The following SCRG1 variants were observed in gnomAD, a reference collection of about 807,000 sequenced individuals.
The protein encoded by SCRG1 is scrapie-responsive protein 1.
Under a neutral mutation model 7.7 loss-of-function variants are expected in SCRG1, and 3 were observed. The observed-to-expected ratio is 0.39, with a 90% CI of 0.18 to 1.01. The LOEUF (loss-of-function observed/expected upper bound fraction) is 1.01, where lower values mean the gene tolerates loss of function less well. SCRG1 is among the 50% of genes least tolerant of loss of function. SCRG1 has a pLI of 0.36. For missense variants in SCRG1, 110 were observed against 117.2 expected, an observed-to-expected ratio of 0.94 and a Z score of 0.28; for synonymous variants, 46 against 41.2, an observed-to-expected ratio of 1.12 and a Z score of -0.44.
the SCRG1 span, among the ~76,000 whole-genome samples, chr4:173,459,544 T>G: frequency 6.6e-6 from 1 of 152,140 alleles, no homozygotes. Context: ...GAAGAAAATT[T>G]AAAAGTTTCT....
At chr4:173,450,955 G>C in the SCRG1 span, among the ~76,000 whole-genome samples, 2 of 152,082 alleles carry the variant, frequency 1.3e-5, no homozygotes, top group African/African-American at 4.8e-5. Context: ...GAGAGAGAAG[G>C]GGGACCTGAA....
the SCRG1 span, among the ~76,000 whole-genome samples, chr4:173,423,669 AT>A: frequency 3.3e-5 from 5 of 150,748 alleles, no homozygotes; most frequent in African/African-American, 1.2e-4. Context: ...TTTTTTTTTA[AT>A]TTTTTTTTTA....
At chr4:173,488,072 C>T in the SCRG1 span, among the ~76,000 whole-genome samples, 1 of 151,612 alleles carries the variant, frequency 6.6e-6, no homozygotes, top group African/African-American at 2.4e-5. Flanking sequence ...TGCACTCCAG[C>T]TTGGGCTATA....
At chr4:173,435,138 G>A in the SCRG1 span, among the ~76,000 whole-genome samples, 6 of 72,424 alleles carry the variant, frequency 8.3e-5, no homozygotes, top group African/African-American at 2.3e-4. Flanking sequence ...GTGTGTGTGT[G>A]TGTGTGTGTG....
chr4:173,446,148 C>T, the SCRG1 span, among the ~76,000 whole-genome samples: 1 of 151,978 alleles, frequency 6.6e-6, no homozygotes, highest in African/African-American at 2.4e-5. Context: ...CCTTTTGTGC[C>T]CCTGAGGATG....
At chr4:173,485,004 A>AATATAATATATAATATATAATATATT in the SCRG1 span, among the ~76,000 whole-genome samples, 1 of 9,418 alleles carries the variant, frequency 1.1e-4, no homozygotes, top group Non-Finnish European at 1.5e-4. Context: ...ATATATTATA[A>AATATAATATATAATATATAATATATT]ATATAATATA....
chr4:173,413,885 C>T, the SCRG1 span, among the ~76,000 whole-genome samples: 28 of 152,178 alleles, frequency 1.8e-4, no homozygotes, highest in African/African-American at 6.8e-4. Context: ...TATCTGGATG[C>T]TGCACCCCTT....
the SCRG1 span, among the ~76,000 whole-genome samples, chr4:173,486,645 TTTC>T: frequency 3.3e-5 from 5 of 152,018 alleles, no homozygotes; most frequent in South Asian, 2.1e-4. Context: ...TCCTTTTTCT[TTTC>T]TTCTTCTTCT....
chr4:173,390,102 G>A (rs1739381954), intron 2 of SCRG1, among the ~76,000 whole-genome samples: 1 of 152,066 alleles, frequency 6.6e-6, no homozygotes, highest in Non-Finnish European at 1.5e-5. Flanking sequence ...GGAGTGCAAT[G>A]GCACGATCTA....
the SCRG1 span, among the ~76,000 whole-genome samples, chr4:173,425,987 T>TG: frequency 6.6e-6 from 1 of 152,242 alleles, no homozygotes; most frequent in Non-Finnish European, 1.5e-5. Flanking sequence ...GCCCATGCCA[T>TG]GGGGGGCTGA....
the SCRG1 span, among the ~76,000 whole-genome samples, chr4:173,431,253 G>A: frequency 6.6e-6 from 1 of 152,204 alleles, no homozygotes; most frequent in Non-Finnish European, 1.5e-5. Flanking sequence ...TGGGGTTCAA[G>A]CAGGGGAACT....
the SCRG1 span, among the ~76,000 whole-genome samples, chr4:173,414,372 T>C: frequency 6.6e-6 from 1 of 152,346 alleles, no homozygotes; most frequent in East Asian, 1.9e-4. Context: ...CTCATAGCCC[T>C]GAACCTTAGG....
the SCRG1 span, among the ~76,000 whole-genome samples, chr4:173,446,109 A>ATGAT: frequency 6.6e-6 from 1 of 152,198 alleles, no homozygotes; most frequent in Non-Finnish European, 1.5e-5. Flanking sequence ...AAAGGATCAA[A>ATGAT]TGATACAGAA....
chr4:173,406,925 G>A (rs558699724), upstream of SCRG1, among the ~76,000 whole-genome samples: 13 of 152,210 alleles, frequency 8.5e-5, no homozygotes, highest in African/African-American at 2.4e-4. Flanking sequence ...ACAGAGGTGC[G>A]CGCTGGGCAT....
chr4:173,405,939 C>T (rs866686559), intron 1 of SCRG1, among the ~76,000 whole-genome samples: 2 of 152,236 alleles, frequency 1.3e-5, no homozygotes, highest in Admixed American at 1.3e-4. Context: ...GGTGTGCTCA[C>T]TAGTACTGGT....
the SCRG1 span, among the ~76,000 whole-genome samples, chr4:173,461,148 C>G: frequency 6.6e-6 from 1 of 152,368 alleles, no homozygotes. Context: ...GAAAATCTTG[C>G]TGCCCTGAAG....
At chr4:173,518,099 C>T in the SCRG1 span, among the ~76,000 whole-genome samples, 2 of 152,246 alleles carry the variant, frequency 1.3e-5, no homozygotes, top group African/African-American at 4.8e-5. Context: ...AAGTTTAAAA[C>T]AATATTCGCT....
chr4:173,516,176 A>G, the SCRG1 span, among the ~76,000 whole-genome samples: 9 of 152,244 alleles, frequency 5.9e-5, no homozygotes, highest in Admixed American at 5.9e-4. Context: ...ACCAGTATCA[A>G]TTAGCCGCTT....
At chr4:173,492,897 A>T in the SCRG1 span, among the ~76,000 whole-genome samples, 2 of 152,214 alleles carry the variant, frequency 1.3e-5, no homozygotes, top group African/African-American at 4.8e-5. Context: ...CCTGCAATAC[A>T]GGGCGGTGGG....
Sources: gnomAD v4.1 joint callset for allele counts (sites outside exome capture counted in the v4.1 genomes callset) on GRCh38, gnomAD v4.1.1 for gene constraint, MANE v1.5 for transcripts, NCBI Gene and HGNC (gene_info 2026-07-23, HGNC 2026-07-21) for gene names.